The following KMT2E variants were observed in gnomAD, a reference collection of about 807,000 sequenced individuals.
KMT2E encodes histone reader KMT2E.
A neutral mutation model predicts 184.6 loss-of-function variants in KMT2E; 30 were observed. That is an observed-to-expected ratio of 0.16 (90% CI 0.12 to 0.22). The LOEUF is 0.22. Ranked by LOEUF, KMT2E falls within the 10% of genes least tolerant of loss-of-function variation. The pLI is 1.00. For synonymous variants in KMT2E, 815 were observed against 776.5 expected (o/e 1.05, Z -0.82); for missense variants, 2,023 against 2,237.4 (o/e 0.90, Z 1.93).
chr7:105,061,751 A>T (rs763749298), intron 3 of KMT2E, among the ~76,000 whole-genome samples: 1 of 152,144 alleles, frequency 6.6e-6, no homozygotes, highest in African/African-American at 2.4e-5. Flanking sequence ...ACACATGCAT[A>T]TATTTTTGAA....
chr7:105,066,960 G>C (rs1464367529), intron 6 of KMT2E, among the ~76,000 whole-genome samples, 153 bp downstream of exon 6: 2 of 151,308 alleles, frequency 1.3e-5, no homozygotes, highest in African/African-American at 4.9e-5. Context: ...GGGAGGCTGA[G>C]GCAGGAAGAT....
Position 105,114,713 on chromosome 7 carries a change from A to AATT in KMT2E, c.*1381_*1382insTTA, listed in dbSNP as rs1335162893. On this transcript the variant is annotated 3_prime_UTR_variant, in exon 27 of 27. Transcript: ENST00000311117. Reference sequence around the variant, plus strand: ...TGTGCATCAGAGAAAGTAAACACTAAAATGACTGCGTGACCTCATTCAGTC... The same window carrying AATT: ...TGTGCATCAGAGAAAGTAAACACTAAATTAATGACTGCGTGACCTCATTCAGTC... Among the ~76,000 whole-genome samples the AATT allele has an allele frequency of 1.3e-5, 2 of 152,190 alleles. No individual in the cohort carries two copies. Among genetic ancestry groups the AATT allele is most frequent in the Non-Finnish European group, 2.9e-5 (2 of 68,034 alleles).
At chr7:105,043,321 C>G (rs2129565523) in intron 3 of KMT2E, among the ~76,000 whole-genome samples, 1 of 150,060 alleles carries the variant, frequency 6.7e-6, no homozygotes, top group Admixed American at 6.6e-5. Flanking sequence ...ACTGCAAGCT[C>G]CGCCTCCCGG....
intron 4 of KMT2E, among the ~76,000 whole-genome samples, chr7:105,062,960 C>A (rs546647544): frequency 2.9e-4 from 44 of 149,334 alleles, no homozygotes; most frequent in Non-Finnish European, 6.1e-4. Flanking sequence ...TTTTATTATT[C>A]TTTAGGCTCC....
chr7:105,019,835 G>A (rs191829205), intron 1 of KMT2E, among the ~76,000 whole-genome samples: 443 of 152,224 alleles, frequency 2.9e-3, no homozygotes, highest in Middle Eastern at 0.01. Flanking sequence ...GGCTGGGCAC[G>A]GTGGCTCATA....
intron 3 of KMT2E, among the ~76,000 whole-genome samples, chr7:105,060,327 C>T (rs1056143661): frequency 2.0e-5 from 3 of 152,078 alleles, no homozygotes; most frequent in African/African-American, 7.2e-5. Flanking sequence ...TCAGTCAACA[C>T]CAGACCACAT....
At position 105,109,095 on chromosome 7, in the gene KMT2E, C is replaced by G. The variant is rs1300639340; in HGVS notation, c.3622C>G (p.Gln1208Glu). 1 of 1,614,172 alleles carries G rather than the reference C, an allele frequency of 6.2e-7. No homozygotes were observed. The highest frequency in any genetic ancestry group is 1.7e-5 in the Admixed American group (1 of 60,032). Residue 1208 changes from glutamine to glutamate, a missense_variant, in exon 23 of 27, where the codon CAG (glutamine) becomes GAG (glutamate). Gln to Glu is a conservative substitution (Grantham distance 29). Coordinates refer to ENST00000311117, the MANE Select transcript of KMT2E (RefSeq NM_182931.3). ...GCASSNDNGEQVDHTASLPLP... is the reference protein window; with the variant it reads ...GCASSNDNGEEVDHTASLPLP... The stretch of plus-strand genomic sequence containing the variant: ...TGCCAGCAGTAATGACAATGGGGAG[C>G]AGGTGGACCACACTGCTAGCCTACC...
rs529580382 is a variant in KMT2E at position 105,105,519 on chromosome 7, C to T, written c.2277C>T (p.Arg759=). The change falls in exon 18 of 27, where the codon CGC becomes CGT. Residue 759 remains arginine, a synonymous_variant. Transcript: ENST00000311117. ...PSDGLSERPL[R]ITTDPEVLAT... is the part of the protein sequence containing the mutation. Reference sequence around the variant, plus strand: ...ATGGCCTTTCAGAAAGGCCTCTACGCATAACTACAGATCCTGAAGTGTTAG... The same window carrying T: ...ATGGCCTTTCAGAAAGGCCTCTACGTATAACTACAGATCCTGAAGTGTTAG... The T allele has an allele frequency of 1.2e-6, 2 of 1,613,868 alleles. No homozygotes were observed. The highest frequency in any genetic ancestry group is 3.3e-5 in the Admixed American group (2 of 60,006).
Position 105,107,851 on chromosome 7 carries a change from G to T in KMT2E, c.3394G>T (p.Gly1132Cys). The T allele has an allele frequency of 1.2e-6, 2 of 1,614,060 alleles. No individual in the cohort carries two copies. Among genetic ancestry groups the T allele is most frequent in the Non-Finnish European group, 1.7e-6 (2 of 1,180,000 alleles). Residue 1132 changes from glycine (G) to cysteine (C), a missense_variant, in exon 22 of 27, where the codon GGT becomes TGT. Coordinates refer to ENST00000311117, the MANE Select transcript of KMT2E (RefSeq NM_182931.3). ...FCTSEDGLVSGFGRTVNDNLI... is the reference protein window; with the variant it reads ...FCTSEDGLVSCFGRTVNDNLI... ...TACTTCCGAAGATGGGCTTGTATCT[G>T]GTTTCGGACGGACTGTTAATGACAA...
chr7:105,081,201 G>GA (rs1278942251), intron 12 of KMT2E, among the ~76,000 whole-genome samples: 1 of 151,966 alleles, frequency 6.6e-6, no homozygotes, highest in Non-Finnish European at 1.5e-5. Context: ...CTAACACTGT[G>GA]AAAACTCGTC....
At chr7:105,018,457 A>G (rs10245676) in intron 1 of KMT2E, among the ~76,000 whole-genome samples, 41,861 of 152,076 alleles carry the variant, frequency 0.28, 8,477 homozygotes, top group East Asian at 0.64. Context: ...TGAATCTTTT[A>G]TTGAAGCAAA....
At chr7:105,022,493 C>T (rs1794997832) in intron 1 of KMT2E, among the ~76,000 whole-genome samples, 1 of 150,654 alleles carries the variant, frequency 6.6e-6, no homozygotes, top group African/African-American at 2.4e-5. Flanking sequence ...GTTTGTTTGC[C>T]CTTTACTATT....
rs200288625 is a variant in KMT2E, at chr7:105,111,820, C to T, written c.4069-5C>T. Reference sequence around the variant, plus strand: ...GAATGTATATAATTTGTTTTCTCTTCATAGCCTGGTTCACCTGGATCTGTA... The same window carrying T: ...GAATGTATATAATTTGTTTTCTCTTTATAGCCTGGTTCACCTGGATCTGTA... On this transcript the variant is annotated splice_polypyrimidine_tract_variant and splice_region_variant and intron_variant, in intron 26 of 26. Transcript: ENST00000311117. The T allele has an allele frequency of 1.0e-4, 161 of 1,604,976 alleles. No individual in the cohort carries two copies. The highest frequency in any genetic ancestry group is 7.3e-5 in the Non-Finnish European group (86 of 1,176,292).
At chr7:105,070,957 C>T (rs532917503) in intron 6 of KMT2E, among the ~76,000 whole-genome samples, 1 of 152,232 alleles carries the variant, frequency 6.6e-6, no homozygotes. Context: ...TTCTGTCACT[C>T]TAAAGTCAAA....
rs776957213 is a variant in KMT2E at position 105,112,400 on chromosome 7, T to A, written c.4644T>A (p.Pro1548=). The change falls in exon 27 of 27, where the codon CCT becomes CCA. Residue 1548 remains proline (P), a synonymous_variant. Transcript: ENST00000311117. The part of the protein sequence containing the change: ...SLNSTAPPPP[P]PPPPSSSYYQ... The stretch of plus-strand genomic sequence containing the variant: ...ACAGCACGGCACCACCCCCTCCACC[T>A]CCTCCACCTCCTTCTTCGTCTTACT... 2 of 1,611,936 alleles carry A rather than the reference T, an allele frequency of 1.2e-6. No homozygotes were observed. The highest frequency in any genetic ancestry group is 1.3e-5 in the African/African-American group (1 of 74,736).
intron 15 of KMT2E, among the ~76,000 whole-genome samples, chr7:105,095,729 C>G (rs1369504308): frequency 6.6e-6 from 1 of 152,136 alleles, no homozygotes; most frequent in African/African-American, 2.4e-5. Flanking sequence ...TTAGGAAAAT[C>G]TTACCATAAG....
rs74589656 is a variant in KMT2E at position 105,075,672 on chromosome 7, G to C, written c.730-371G>C. On this transcript the variant is annotated intron_variant, in intron 8 of 26. Coordinates refer to ENST00000311117, the MANE Select transcript of KMT2E (RefSeq NM_182931.3). Reference sequence around the variant, plus strand: ...TATACAGATTTTTATATTCTATATAGTCTATATACTTTTTTTTTTTTAAAG... The same window carrying C: ...TATACAGATTTTTATATTCTATATACTCTATATACTTTTTTTTTTTTAAAG... 7.6e-3 allele frequency among the ~76,000 whole-genome samples: 1,143 copies of C among 151,360 alleles called. 11 individuals are homozygous for C. The highest frequency in any genetic ancestry group is 0.027 in the African/African-American group (1,117 of 41,270).
chr7:105,082,407 A>G (rs1172184719), intron 13 of KMT2E, among the ~76,000 whole-genome samples: 1 of 152,234 alleles, frequency 6.6e-6, no homozygotes, highest in African/African-American at 2.4e-5. Context: ...TGGAAGTGTT[A>G]CCAATGACAA....
chr7:105,086,716 C>G (rs1212787650), intron 13 of KMT2E, among the ~76,000 whole-genome samples: 8 of 148,548 alleles, frequency 5.4e-5, no homozygotes, highest in Non-Finnish European at 1.0e-4. Context: ...CAGAGCGAGA[C>G]TCCATCTCAA....
Sources: allele counts gnomAD v4.1 joint callset (sites outside exome capture counted in the v4.1 genomes callset), GRCh38; gene constraint gnomAD v4.1.1; transcripts MANE v1.5; gene names NCBI Gene and HGNC (gene_info 2026-07-23, HGNC 2026-07-21).